GALK2: variants seen among roughly 807,000 people sequenced by gnomAD.
GALK2 encodes galactokinase 2, also known as N-acetylgalactosamine kinase.
GALK2 carries 36 observed loss-of-function variants against 52.4 expected under a neutral mutation model. The ratio of observed to expected loss-of-function variants is 0.69; its 90% CI spans 0.53 to 0.91. The LOEUF is 0.91. Among genes scored for constraint, GALK2 ranks in the 40% least tolerant of loss-of-function variants. The pLI, the probability that GALK2 is intolerant of heterozygous loss-of-function variation, is 0.00. For synonymous variants in GALK2, 176 were observed against 199.1 expected, an observed-to-expected ratio of 0.88 and a Z score of 0.98; for missense variants, 579 against 559.1, an observed-to-expected ratio of 1.04 and a Z score of -0.36.
chr15:49,238,371 C>T (rs1047521266), intron 4 of GALK2, among the ~76,000 whole-genome samples: 1 of 152,172 alleles, frequency 6.6e-6, no homozygotes, highest in Admixed American at 6.5e-5. Context: ...TTTCTTTGGG[C>T]TTTCCTATTT....
At chr15:49,233,001 T>C (rs2899431) in intron 3 of GALK2, among the ~76,000 whole-genome samples, 90,048 of 152,026 alleles carry the variant, frequency 0.59, 26,829 homozygotes, top group Admixed American at 0.66. Context: ...CAGTTCCAAA[T>C]GCAAATTCAC....
intron 3 of GALK2, chr15:49,225,356 G>C (rs1357887079): frequency 1.0e-5 from 4 of 400,004 alleles, no homozygotes; most frequent in Non-Finnish European, 2.0e-5. Flanking sequence ...GGAGGTGAGT[G>C]GTGGGTGAGT....
At chr15:49,347,897 T>C (rs907800076) in intron 3 of GALK2, among the ~76,000 whole-genome samples, 12 of 151,884 alleles carry the variant, frequency 7.9e-5, no homozygotes, top group Non-Finnish European at 1.5e-4. Context: ...CAGATGCCTG[T>C]AGTCCCAGCT....
intron 5 of GALK2, among the ~76,000 whole-genome samples, chr15:49,242,867 T>G (rs372243045): frequency 6.6e-6 from 1 of 152,228 alleles, no homozygotes; most frequent in East Asian, 1.9e-4. Context: ...AAATTAATCT[T>G]CTTTTCTCAA....
chr15:49,241,251 C>A (rs2091078576), intron 5 of GALK2, among the ~76,000 whole-genome samples: 1 of 152,024 alleles, frequency 6.6e-6, no homozygotes, highest in African/African-American at 2.4e-5. Flanking sequence ...ATTTGAGAAT[C>A]ATTAGTTTAT....
intron 9 of GALK2, among the ~76,000 whole-genome samples, chr15:49,321,114 A>T (rs2036837030): frequency 6.6e-6 from 1 of 152,250 alleles, no homozygotes; most frequent in Admixed American, 6.5e-5. Flanking sequence ...TATGGAAAAA[A>T]ATGAGAAGGA....
chr15:49,235,875 C>T lies in GALK2; in HGVS notation c.291C>T (p.Asn97=). The change falls in exon 4 of 10, where the codon AAC becomes AAT. Residue 97 remains asparagine (N), a synonymous_variant. Transcript: ENST00000560031. ...LYPDFSTSAN[N]IQIDKTKPLW... is the part of the protein sequence containing the mutation. ...GGGACTTCAGTACTAGTGCTAATAA[C>T]ATCCAGATTGATAAAACCAAGCCTT... 1 of 1,613,054 alleles carries T rather than the reference C, an allele frequency of 6.2e-7. No homozygotes were observed. The highest frequency in any genetic ancestry group is 8.5e-7 in the Non-Finnish European group (1 of 1,179,052).
At chr15:49,249,268 A>G (rs1430881440) in intron 5 of GALK2, among the ~76,000 whole-genome samples, 1 of 152,214 alleles carries the variant, frequency 6.6e-6, no homozygotes, top group Non-Finnish European at 1.5e-5. Context: ...CATCTTGGTC[A>G]AGAGTTACCT....
Position 49,293,254 on chromosome 15 carries a change from G to A in GALK2, c.967+717G>A, listed in dbSNP as rs1303170314. Among the ~76,000 whole-genome samples the A allele has an allele frequency of 3.9e-5, 6 of 152,222 alleles. No homozygotes were observed. The East Asian group carries it at 1.2e-3, about 29-fold the overall frequency. ...CAGTTCTACAACTGGTTGTTGAGTT[G>A]CTACTGTAGATTTACCCACAAAGTA... On this transcript the variant is annotated intron_variant, in intron 8 of 9. Coordinates refer to ENST00000560031, the MANE Select transcript of GALK2 (RefSeq NM_002044.4).
At chr15:49,206,222 T>G (rs2088269132) in intron 2 of GALK2, among the ~76,000 whole-genome samples, 1 of 151,904 alleles carries the variant, frequency 6.6e-6, no homozygotes, top group Non-Finnish European at 1.5e-5. Context: ...TGCAGGCTCT[T>G]TTTTGGTTCC....
chr15:49,327,930 A>AT (rs1299286662), intron 9 of GALK2, 22 bp from the exon 10 acceptor site: 2 of 1,595,456 alleles, frequency 1.3e-6, no homozygotes, highest in Non-Finnish European at 1.7e-6. Flanking sequence ...AGGTTCTAAT[A>AT]TTTTTTTCCT....
intron 9 of GALK2, among the ~76,000 whole-genome samples, chr15:49,326,068 G>C (rs138782513): frequency 9.2e-5 from 14 of 152,188 alleles, no homozygotes; most frequent in Admixed American, 2.6e-4. Flanking sequence ...GATAACTTGA[G>C]TCCAGCAAAA....
chr15:49,170,156 AG>A, upstream of GALK2: 1 of 1,443,984 alleles, frequency 6.9e-7, no homozygotes, highest in Non-Finnish European at 9.1e-7. Flanking sequence ...GAGCCAGAGG[AG>A]GGGCCGATTG....
intron 3 of GALK2, among the ~76,000 whole-genome samples, chr15:49,362,613 G>T (rs994927989): frequency 6.6e-6 from 1 of 152,144 alleles, no homozygotes; most frequent in Admixed American, 6.5e-5. Context: ...TGCGCAGAAG[G>T]TCTTTAGTTT....
intron 5 of GALK2, among the ~76,000 whole-genome samples, chr15:49,278,216 G>A (rs1315408721): frequency 1.3e-5 from 2 of 152,170 alleles, no homozygotes; most frequent in Non-Finnish European, 2.9e-5. Flanking sequence ...AGCCGAGATC[G>A]CACCACTGTA....
chr15:49,258,784 A>ATGTGTG (rs1428836072), intron 5 of GALK2, among the ~76,000 whole-genome samples: 2 of 102,706 alleles, frequency 1.9e-5, no homozygotes, highest in African/African-American at 9.9e-5. Flanking sequence ...AAGCATATAT[A>ATGTGTG]TATATATATA....
intron 5 of GALK2, among the ~76,000 whole-genome samples, chr15:49,264,408 C>T (rs998142875): frequency 7.9e-5 from 12 of 152,242 alleles, no homozygotes; most frequent in Non-Finnish European, 1.6e-4. Context: ...CGAGCCTTGG[C>T]TTTCAGCTCC....
At chr15:49,296,991 C>A (rs569942919) in intron 8 of GALK2, among the ~76,000 whole-genome samples, 1 of 152,316 alleles carries the variant, frequency 6.6e-6, no homozygotes, top group Admixed American at 6.5e-5. Context: ...GTTTTAAGTT[C>A]TTTGAGAAAT....
chr15:49,202,060 A>T (rs2087825535), intron 2 of GALK2, among the ~76,000 whole-genome samples: 1 of 151,984 alleles, frequency 6.6e-6, no homozygotes, highest in Non-Finnish European at 1.5e-5. Context: ...CTGGTGTGCA[A>T]TGGTGCAGTC....
Sources: allele counts gnomAD v4.1 joint callset (sites outside exome capture counted in the v4.1 genomes callset), GRCh38; gene constraint gnomAD v4.1.1; transcripts MANE v1.5; gene names NCBI Gene and HGNC (gene_info 2026-07-23, HGNC 2026-07-21).